MANSC1: variants seen among roughly 807,000 people sequenced by gnomAD.
MANSC1 encodes the protein MANSC domain containing 1, also known as MANSC domain-containing protein 1.
MANSC1 carries 13 observed loss-of-function variants against 14.1 expected under a neutral mutation model. That is an observed-to-expected ratio of 0.92 (90% CI 0.60 to 1.46). MANSC1 has a LOEUF of 1.46. Among genes scored for constraint, MANSC1 ranks in the 40% most tolerant of loss-of-function variants. MANSC1 has a pLI of 0.00. For missense variants in MANSC1, 486 were observed against 511.4 expected, an observed-to-expected ratio of 0.95 and a Z score of 0.48; for synonymous variants, 227 against 200.7, an observed-to-expected ratio of 1.13 and a Z score of -1.11.
At chr12:12,343,008 G>T in intron 2 of MANSC1, 84 bp downstream of exon 2, 1 of 933,324 alleles carries the variant, frequency 1.1e-6, no homozygotes, top group Non-Finnish European at 1.7e-6. Context: ...GAGAATCACT[G>T]GTATAAGTTA....
chr12:12,331,647 T>C (rs1862791316), intron 3 of MANSC1, among the ~76,000 whole-genome samples: 1 of 152,040 alleles, frequency 6.6e-6, no homozygotes. Flanking sequence ...ATGTGGAAGC[T>C]GTGGGAAATG....
chr12:12,330,183 T>C lies in MANSC1; in HGVS notation c.1140A>G (p.Pro380=), dbSNP rs141143390. The change falls in exon 4 of 4, where the codon CCA becomes CCG. Residue 380 remains proline (P), a synonymous_variant. Coordinates refer to ENST00000535902, the MANE Select transcript of MANSC1 (RefSeq NM_018050.4). The part of the protein sequence containing the change: ...GSVPENQYGL[P]FEKWLLIGSL... ...ACCCGATAAGAAGCCATTTTTCAAA[T>C]GGAAGGCCGTACTGATTTTCTGGAA... is the stretch of plus-strand genomic sequence containing the variant. 34 of 1,614,040 alleles carry C rather than the reference T, an allele frequency of 2.1e-5. No individual in the cohort carries two copies. The African/African-American group carries it at 4.3e-4, about 20-fold the overall frequency.
intron 1 of MANSC1, among the ~76,000 whole-genome samples, chr12:12,349,486 C>T (rs974858808): frequency 3.3e-5 from 5 of 152,076 alleles, no homozygotes; most frequent in African/African-American, 1.2e-4. Flanking sequence ...TTTTCTAATC[C>T]ATTATTATTT....
At chr12:12,338,131 A>G (rs921223537) in intron 3 of MANSC1, among the ~76,000 whole-genome samples, 8 of 152,228 alleles carry the variant, frequency 5.3e-5, no homozygotes, top group Admixed American at 3.9e-4. Flanking sequence ...TACTTATTCC[A>G]GTGTTGCCGA....
intron 3 of MANSC1, among the ~76,000 whole-genome samples, chr12:12,334,083 T>C (rs1862826841): frequency 6.6e-6 from 1 of 151,682 alleles, no homozygotes. Flanking sequence ...ACCCCCCCAT[T>C]GCTACAAAAC....
At chr12:12,332,376 C>T (rs1456738928) in intron 3 of MANSC1, among the ~76,000 whole-genome samples, 1 of 152,178 alleles carries the variant, frequency 6.6e-6, no homozygotes, top group Non-Finnish European at 1.5e-5. Flanking sequence ...AAGCCTTACC[C>T]CTCTGAGAGG....
At chr12:12,346,721 G>A (rs1863014122) in intron 1 of MANSC1, among the ~76,000 whole-genome samples, 1 of 152,134 alleles carries the variant, frequency 6.6e-6, no homozygotes, top group Non-Finnish European at 1.5e-5. Context: ...ACAAAATTTA[G>A]CTCTAAATGG....
chr12:12,349,020 G>A (rs1039297465), intron 1 of MANSC1, among the ~76,000 whole-genome samples: 7 of 152,162 alleles, frequency 4.6e-5, no homozygotes, highest in African/African-American at 1.7e-4. Flanking sequence ...ACGTGGTATT[G>A]AGTATAGATA....
At chr12:12,340,775 C>G (rs1174367409) in intron 2 of MANSC1, among the ~76,000 whole-genome samples, 1 of 152,138 alleles carries the variant, frequency 6.6e-6, no homozygotes, top group African/African-American at 2.4e-5. Context: ...CCTGTAAATA[C>G]CACACTTACA....
chr12:12,337,556 A>G (rs1180119171), intron 3 of MANSC1, among the ~76,000 whole-genome samples: 1 of 152,188 alleles, frequency 6.6e-6, no homozygotes, highest in East Asian at 1.9e-4. Context: ...GTGAGACTCC[A>G]TCTCGGAAAA....
intron 3 of MANSC1, among the ~76,000 whole-genome samples, chr12:12,335,664 C>G (rs1021072271): frequency 6.7e-6 from 1 of 149,558 alleles, no homozygotes; most frequent in African/African-American, 2.5e-5. Context: ...GCCAACATGG[C>G]GAGACCATGT....
intron 1 of MANSC1, chr12:12,348,278 T>G (rs766480491): frequency 2.0e-5 from 3 of 152,158 alleles, no homozygotes; most frequent in Non-Finnish European, 4.4e-5. Flanking sequence ...GTAGCTTTAT[T>G]CATAATTGCC....
intron 2 of MANSC1, among the ~76,000 whole-genome samples, chr12:12,341,769 T>C (rs961500321): frequency 6.6e-6 from 1 of 152,158 alleles, no homozygotes; most frequent in Non-Finnish European, 1.5e-5. Flanking sequence ...GGTGGGAGGA[T>C]CATTTGAAGT....
chr12:12,330,376 C>A lies in MANSC1; in HGVS notation c.947G>T (p.Ser316Ile), dbSNP rs754875887. The A allele has an allele frequency of 2.5e-6, 4 of 1,614,218 alleles. No individual in the cohort carries two copies. The Admixed American group carries it at 6.7e-5, about 27-fold the overall frequency. ...TTCTGTAAACGGTATGGTTTCTAAG[C>A]TGCCTTTCGAGTCCGTAGGTGCCTG... is the stretch of plus-strand genomic sequence containing the variant. The part of the protein sequence containing the change: ...TFQAPTDSKG[S>I]LETIPFTEIS... The change falls in exon 4 of 4, where the codon AGC (serine) becomes ATC (isoleucine). Residue 316 changes from serine to isoleucine, a missense_variant. Coordinates refer to ENST00000535902, the MANE Select transcript of MANSC1 (RefSeq NM_018050.4).
intron 2 of MANSC1, among the ~76,000 whole-genome samples, chr12:12,342,576 GT>G (rs869141097): frequency 7.7e-5 from 8 of 103,984 alleles, no homozygotes; most frequent in Admixed American, 1.1e-4. Flanking sequence ...AGTAGTCAGT[GT>G]TTTTTTGTTT....
At chr12:12,345,636 C>T (rs569261864) in intron 1 of MANSC1, among the ~76,000 whole-genome samples, 2 of 152,306 alleles carry the variant, frequency 1.3e-5, no homozygotes, top group East Asian at 3.9e-4. Context: ...TTATCCTCAC[C>T]TATCAACCTC....
intron 2 of MANSC1, among the ~76,000 whole-genome samples, chr12:12,340,674 G>A (rs1862922419): frequency 6.6e-6 from 1 of 152,164 alleles, no homozygotes; most frequent in African/African-American, 2.4e-5. Context: ...AAGTACCTCT[G>A]CTTGTAGCAA....
chr12:12,338,917 A>ACACACACACACACACACACACACCCC (rs749773741), intron 2 of MANSC1: 1 of 241,306 alleles, frequency 4.1e-6, no homozygotes, highest in East Asian at 1.2e-4. Context: ...ACACACACAC[A>ACACACACACACACACACACACACCCC]CCCCTAAGAC....
chr12:12,344,954 T>C (rs1314844991), intron 1 of MANSC1, among the ~76,000 whole-genome samples: 3 of 101,264 alleles, frequency 3.0e-5, no homozygotes, highest in Non-Finnish European at 6.1e-5. Flanking sequence ...TATATATATA[T>C]ATATATATAT....
Sources: gnomAD v4.1 joint callset for allele counts (sites outside exome capture counted in the v4.1 genomes callset) on GRCh38, gnomAD v4.1.1 for gene constraint, MANE v1.5 for transcripts, NCBI Gene and HGNC (gene_info 2026-07-23, HGNC 2026-07-21) for gene names.